ARHGEF33: variants seen among roughly 807,000 people sequenced by gnomAD.
ARHGEF33 encodes DH and coiled-coil domain-containing protein ENSP00000381780.
Under a neutral mutation model 101.9 loss-of-function variants are expected in ARHGEF33, and 72 were observed. The observed-to-expected ratio is 0.71, with a 90% CI of 0.58 to 0.86. The LOEUF (loss-of-function observed/expected upper bound fraction) is 0.86. ARHGEF33 is among the 40% of genes least tolerant of loss of function. The pLI is 0.00. For missense variants in ARHGEF33, 1,169 were observed against 1,111.3 expected (o/e 1.05, Z -0.74); for synonymous variants, 499 against 442.5 (o/e 1.13, Z -1.60).
intron 17 of ARHGEF33, among the ~76,000 whole-genome samples, 197 bp from the exon 18 acceptor site, chr2:38,973,517 T>G (rs902795945): frequency 2.0e-5 from 3 of 152,156 alleles, no homozygotes; most frequent in Non-Finnish European, 4.4e-5. Flanking sequence ...CATAAAGCAT[T>G]AGAAAGATAT....
chr2:38,928,694 C>T, intron 4 of ARHGEF33: 1 of 346,534 alleles, frequency 2.9e-6, no homozygotes, highest in Non-Finnish European at 5.2e-6. Context: ...ATTTATCAAG[C>T]TTCAGCATAT....
intron 3 of ARHGEF33, 112 bp from the exon 4 acceptor site, chr2:38,921,262 C>T (rs1020577490): frequency 7.3e-6 from 5 of 688,644 alleles, no homozygotes; most frequent in South Asian, 1.7e-5. Flanking sequence ...GGTTTCTTGT[C>T]GTGCGGGCAC....
At chr2:38,914,045 C>A (rs915397267) in intron 2 of ARHGEF33, among the ~76,000 whole-genome samples, 1 of 152,124 alleles carries the variant, frequency 6.6e-6, no homozygotes, top group Non-Finnish European at 1.5e-5. Context: ...GCAAAAGTAG[C>A]TATAAACTAT....
chr2:38,966,889 T>G (rs1196832851), intron 17 of ARHGEF33, among the ~76,000 whole-genome samples: 1 of 152,168 alleles, frequency 6.6e-6, no homozygotes, highest in Non-Finnish European at 1.5e-5. Flanking sequence ...GATCTGCCAG[T>G]CCAGCCACTG....
At position 38,937,350 on chromosome 2, in the gene ARHGEF33, C is replaced by A; in HGVS notation, c.581C>A (p.Thr194Asn). 1 of 1,201,432 alleles carries A rather than the reference C, an allele frequency of 8.3e-7. No homozygotes were observed. 74.4% of individuals were successfully genotyped at this position (1,201,432 alleles called of 1,614,324 possible). A position where few individuals can be genotyped will look rare whatever the true frequency, so the allele number is the denominator to read the frequency against. Residue 194 changes from threonine (T) to asparagine (N), a missense_variant, in exon 9 of 18, where the codon ACT (threonine) becomes AAT (asparagine). By Grantham distance (65) the Thr-to-Asn change is moderately conservative (BLOSUM62 0). Coordinates refer to ENST00000409978, the MANE Select transcript of ARHGEF33 (RefSeq NM_001145451.5). ...ACCCCACCAGGAGTGAACCCAACAA[C>A]TCCAGAAGCAGAAGAAAACCTCAAG... is the stretch of plus-strand genomic sequence containing the variant. Reference protein sequence around the residue: ...GMMGPGVNPTTPEAEENLKSC... With the variant: ...GMMGPGVNPTNPEAEENLKSC...
At position 38,911,272 on chromosome 2, in the gene ARHGEF33, G is replaced by A. The variant is rs185426667; in HGVS notation, c.-85-8091G>A. On this transcript the variant is annotated intron_variant, in intron 2 of 17. Coordinates refer to ENST00000409978, the MANE Select transcript of ARHGEF33 (RefSeq NM_001145451.5). ...TCCTGATGAATTATTTTAGTTTCAG[G>A]GGAAAGTATTTCCTCATCACCCTCC... Among the ~76,000 whole-genome samples the A allele has an allele frequency of 1.0e-3, 152 of 152,158 alleles. 1 individual carries two copies. The highest frequency in any genetic ancestry group is 3.3e-3 in the African/African-American group (139 of 41,512).
chr2:38,894,124 G>C (rs908186107), intron 1 of ARHGEF33, among the ~76,000 whole-genome samples: 4 of 152,142 alleles, frequency 2.6e-5, no homozygotes, highest in Admixed American at 2.6e-4. Flanking sequence ...TTCGAGACCA[G>C]CTTGGGCAAC....
intron 5 of ARHGEF33, 129 bp downstream of exon 5, chr2:38,929,200 G>A: frequency 4.9e-6 from 3 of 609,268 alleles, no homozygotes; most frequent in Non-Finnish European, 8.4e-6. Flanking sequence ...GGAGGCCGAG[G>A]CAGGTAGATC....
intron 17 of ARHGEF33, among the ~76,000 whole-genome samples, chr2:38,970,500 A>G (rs898358726): frequency 2.0e-5 from 3 of 152,156 alleles, no homozygotes; most frequent in African/African-American, 7.2e-5. Flanking sequence ...TTCATTTCCT[A>G]TATAACTTGA....
intron 2 of ARHGEF33, among the ~76,000 whole-genome samples, chr2:38,908,202 G>C (rs1666435744): frequency 6.6e-6 from 1 of 152,064 alleles, no homozygotes; most frequent in Non-Finnish European, 1.5e-5. Context: ...GATGAATCCA[G>C]GGAGAGAATC....
chr2:38,924,377 C>T (rs916170919), intron 4 of ARHGEF33, among the ~76,000 whole-genome samples: 1 of 152,150 alleles, frequency 6.6e-6, no homozygotes, highest in East Asian at 1.9e-4. Flanking sequence ...AATCAGAGCT[C>T]TTTTCCCGAG....
intron 15 of ARHGEF33, chr2:38,959,550 A>T: frequency 3.1e-6 from 1 of 323,668 alleles, no homozygotes; most frequent in Non-Finnish European, 5.7e-6. Flanking sequence ...GGAGCACCGC[A>T]GGTGGTGAGG....
chr2:38,961,836 C>T (rs537103647), intron 16 of ARHGEF33, among the ~76,000 whole-genome samples: 59 of 151,716 alleles, frequency 3.9e-4, no homozygotes, highest in African/African-American at 1.3e-3. Context: ...AGTTGAATGT[C>T]CGAATTAGAT....
At chr2:38,967,340 A>G (rs965525073) in intron 17 of ARHGEF33, among the ~76,000 whole-genome samples, 1 of 152,230 alleles carries the variant, frequency 6.6e-6, no homozygotes, top group Non-Finnish European at 1.5e-5. Flanking sequence ...ACAGCTCTGC[A>G]TGTAGCCATA....
intron 9 of ARHGEF33, among the ~76,000 whole-genome samples, chr2:38,941,539 G>A (rs1667306777): frequency 6.6e-6 from 1 of 151,450 alleles, no homozygotes; most frequent in Non-Finnish European, 1.5e-5. Context: ...CATGTTACCT[G>A]ATTTTTCTTT....
At chr2:38,892,420 G>C (rs377317452) in intron 1 of ARHGEF33, among the ~76,000 whole-genome samples, 7 of 95,486 alleles carry the variant, frequency 7.3e-5, no homozygotes, top group African/African-American at 2.0e-4. Flanking sequence ...TGGGTAAACA[G>C]ATAACTGGGG....
At chr2:38,962,024 C>T (rs930772895) in intron 16 of ARHGEF33, among the ~76,000 whole-genome samples, 2 of 152,146 alleles carry the variant, frequency 1.3e-5, no homozygotes, top group South Asian at 4.1e-4. Flanking sequence ...ACCTGCACTC[C>T]AGCAGTGAAA....
chr2:38,891,440 AC>A (rs1405267239), intron 1 of ARHGEF33, among the ~76,000 whole-genome samples: 4 of 150,964 alleles, frequency 2.6e-5, no homozygotes, highest in Non-Finnish European at 3.0e-5. Flanking sequence ...GCAGTTCTTA[AC>A]CTTTTCGGTG....
chr2:38,955,755 C>T (rs1056306015), intron 13 of ARHGEF33, among the ~76,000 whole-genome samples: 3 of 151,972 alleles, frequency 2.0e-5, no homozygotes, highest in African/African-American at 4.8e-5. Flanking sequence ...CAGCTCACTG[C>T]AACCTCCGCC....
Sources: gnomAD v4.1 joint callset for allele counts (sites outside exome capture counted in the v4.1 genomes callset) on GRCh38, gnomAD v4.1.1 for gene constraint, MANE v1.5 for transcripts, NCBI Gene and HGNC (gene_info 2026-07-23, HGNC 2026-07-21) for gene names.